ZNF704: variants seen among roughly 807,000 people sequenced by gnomAD.
The protein encoded by ZNF704 is zinc finger protein 704, also known as glucocorticoid induced gene 1.
In ZNF704, 10 loss-of-function variants were observed where a neutral mutation model predicts 44.7. The observed-to-expected ratio is 0.22, with a 90% CI of 0.14 to 0.38. The LOEUF (loss-of-function observed/expected upper bound fraction) is 0.38, where lower values mean the gene tolerates loss of function less well. Among genes scored for constraint, ZNF704 ranks in the 10% least tolerant of loss-of-function variants. The pLI, the probability that ZNF704 is intolerant of heterozygous loss-of-function variation, is 1.00. For synonymous variants in ZNF704, 211 were observed against 207.6 expected (o/e 1.02, Z -0.14); for missense variants, 390 against 545.5 (o/e 0.71, Z 2.84).
At chr8:80,810,192 C>A (rs1416706947) in intron 2 of ZNF704, among the ~76,000 whole-genome samples, 2 of 152,204 alleles carry the variant, frequency 1.3e-5, no homozygotes, top group East Asian at 1.9e-4. Context: ...AAATGCCAAT[C>A]TTACGGTATC....
intron 2 of ZNF704, among the ~76,000 whole-genome samples, chr8:80,711,620 A>T (rs1818988865): frequency 6.6e-6 from 1 of 152,236 alleles, no homozygotes; most frequent in Admixed American, 6.5e-5. Flanking sequence ...GATAAAGGAC[A>T]GAACACCAGT....
At chr8:80,819,233 C>A (rs879270782) in intron 2 of ZNF704, among the ~76,000 whole-genome samples, 1 of 151,984 alleles carries the variant, frequency 6.6e-6, no homozygotes, top group African/African-American at 2.4e-5. Context: ...ATAACACTGG[C>A]GTGGGATCAT....
chr8:80,823,348 T>A (rs1782004927), intron 1 of ZNF704, among the ~76,000 whole-genome samples: 1 of 152,186 alleles, frequency 6.6e-6, no homozygotes. Flanking sequence ...GAGATCAAAC[T>A]GCAAGGCGGC....
At chr8:80,769,120 G>A (rs1807276723) in intron 2 of ZNF704, among the ~76,000 whole-genome samples, 1 of 152,244 alleles carries the variant, frequency 6.6e-6, no homozygotes, top group South Asian at 2.1e-4. Flanking sequence ...AATCTTTAGA[G>A]ATTCTAAAGA....
chr8:80,870,611 CT>C (rs1274552168), intron 1 of ZNF704, among the ~76,000 whole-genome samples: 2 of 152,178 alleles, frequency 1.3e-5, no homozygotes, highest in Non-Finnish European at 2.9e-5. Flanking sequence ...TTTAGATTTT[CT>C]AGTTTTCCTT....
At chr8:80,749,207 A>C (rs1585999987) in intron 2 of ZNF704, among the ~76,000 whole-genome samples, 1 of 152,110 alleles carries the variant, frequency 6.6e-6, no homozygotes, top group East Asian at 1.9e-4. Flanking sequence ...ATGGGGTCTC[A>C]CTATGTTGAC....
chr8:80,650,541 C>T (rs566187102), intron 7 of ZNF704, among the ~76,000 whole-genome samples: 3 of 151,900 alleles, frequency 2.0e-5, no homozygotes, highest in South Asian at 2.1e-4. Context: ...GTAGCTGATT[C>T]GATCAAGTGG....
At chr8:80,703,068 C>G (rs944178033) in intron 2 of ZNF704, among the ~76,000 whole-genome samples, 2 of 152,078 alleles carry the variant, frequency 1.3e-5, no homozygotes, top group Admixed American at 6.6e-5. Context: ...CCCCATTGCC[C>G]TCACATGAGA....
At chr8:80,844,461 A>G (rs536350093) in intron 1 of ZNF704, among the ~76,000 whole-genome samples, 9 of 152,184 alleles carry the variant, frequency 5.9e-5, no homozygotes, top group Non-Finnish European at 7.4e-5. Flanking sequence ...TCATGACCTA[A>G]TCACCTCCCA....
At chr8:80,798,404 A>G (rs1807843445) in intron 2 of ZNF704, among the ~76,000 whole-genome samples, 1 of 152,044 alleles carries the variant, frequency 6.6e-6, no homozygotes, top group Admixed American at 6.6e-5. Flanking sequence ...TACAGGCACT[A>G]GCCACCACGC....
Position 80,821,651 on chromosome 8 carries a change from A to T in ZNF704, c.-21-36T>A. On this transcript the variant is annotated intron_variant, in intron 1 of 8. Transcript: ENST00000327835. ...AAACACAGAAATTCTTACTCACATA[A>T]AACATCACCTTTGTACGACTACTGC... The T allele has an allele frequency of 1.3e-6, 2 of 1,533,478 alleles. 1 individual carries two copies. The highest frequency in any genetic ancestry group is 1.8e-6 in the Non-Finnish European group (2 of 1,109,112). 95.0% of individuals were successfully genotyped at this position (1,533,478 alleles called of 1,614,324 possible).
chr8:80,673,879 G>A (rs1295296879), intron 4 of ZNF704, among the ~76,000 whole-genome samples: 1 of 152,210 alleles, frequency 6.6e-6, no homozygotes, highest in Non-Finnish European at 1.5e-5. Flanking sequence ...TGGGCTTCGT[G>A]AGCCCAGGGC....
intron 2 of ZNF704, among the ~76,000 whole-genome samples, chr8:80,772,653 T>C (rs1319904566): frequency 6.6e-6 from 1 of 152,092 alleles, no homozygotes; most frequent in Non-Finnish European, 1.5e-5. Flanking sequence ...CCTTCAACAT[T>C]GGGGAATACA....
chr8:80,879,348 C>A (rs1033738937), upstream of ZNF704, among the ~76,000 whole-genome samples: 2 of 152,020 alleles, frequency 1.3e-5, no homozygotes, highest in African/African-American at 4.8e-5. Context: ...GCTGTCCTCC[C>A]ACCTCAGCCT....
chr8:80,836,822 T>G (rs1489637980), intron 1 of ZNF704, among the ~76,000 whole-genome samples: 1 of 152,142 alleles, frequency 6.6e-6, no homozygotes, highest in African/African-American at 2.4e-5. Context: ...AGAATTATCT[T>G]TCTACAGCAC....
At chr8:80,749,892 T>C (rs908126008) in intron 2 of ZNF704, among the ~76,000 whole-genome samples, 3 of 152,176 alleles carry the variant, frequency 2.0e-5, no homozygotes, top group African/African-American at 7.2e-5. Context: ...TCCTTCCCTC[T>C]TTACCAGAGG....
At chr8:80,657,530 T>C (rs188780482) in intron 7 of ZNF704, among the ~76,000 whole-genome samples, 1 of 152,118 alleles carries the variant, frequency 6.6e-6, no homozygotes, top group Non-Finnish European at 1.5e-5. Context: ...CCGTATCTAC[T>C]AAAAATACAA....
chr8:80,653,118 A>G (rs1217259267), intron 7 of ZNF704, among the ~76,000 whole-genome samples: 2 of 152,096 alleles, frequency 1.3e-5, no homozygotes, highest in Non-Finnish European at 2.9e-5. Flanking sequence ...AAATTCAACA[A>G]CCCTTCATGC....
At chr8:80,642,972 C>A (rs933134927) in intron 8 of ZNF704, 63 bp downstream of exon 8, 19 of 1,096,934 alleles carry the variant, frequency 1.7e-5, no homozygotes, top group Non-Finnish European at 2.1e-5. Flanking sequence ...GTTCTCTCTG[C>A]TGTTCTGTTT....
Sources: gnomAD v4.1 joint callset for allele counts (sites outside exome capture counted in the v4.1 genomes callset) on GRCh38, gnomAD v4.1.1 for gene constraint, MANE v1.5 for transcripts, NCBI Gene and HGNC (gene_info 2026-07-23, HGNC 2026-07-21) for gene names.